NAALADL2: variants seen among roughly 807,000 people sequenced by gnomAD.
NAALADL2 encodes N-acetylated alpha-linked acidic dipeptidase like 2.
Under a neutral mutation model 87.2 loss-of-function variants are expected in NAALADL2, and 76 were observed. The ratio of observed to expected loss-of-function variants is 0.87; its 90% confidence interval spans 0.72 to 1.05. The LOEUF (loss-of-function observed/expected upper bound fraction) is 1.05, where lower values mean the gene tolerates loss of function less well. Ranked by LOEUF, NAALADL2 falls within the 50% of genes least tolerant of loss-of-function variation. The pLI is 0.00. For missense variants in NAALADL2, 1,089 were observed against 945.8 expected (o/e 1.15, Z -1.99); for synonymous variants, 354 against 331.0 (o/e 1.07, Z -0.75).
Position 175,532,360 on chromosome 3 carries a change from A to G in NAALADL2, c.1654-43681A>G, listed in dbSNP as rs569507617. Among the ~76,000 whole-genome samples, 302 of 152,308 alleles carry G rather than the reference A, an allele frequency of 2.0e-3. 1 individual carries two copies. Among genetic ancestry groups the G allele is most frequent in the African/African-American group, 6.9e-3 (285 of 41,560 alleles). The stretch of plus-strand genomic sequence containing the variant: ...AGTTGTCCTTGGGGGAAAATGTGAG[A>G]AAGATTAACAGCCTAAATTGTCAGT... On this transcript the variant is annotated intron_variant, in intron 9 of 13. Coordinates refer to ENST00000454872, the MANE Select transcript of NAALADL2 (RefSeq NM_207015.3).
chr3:174,968,003 A>G (rs1216478899), intron 1 of NAALADL2, among the ~76,000 whole-genome samples: 1 of 152,336 alleles, frequency 6.6e-6, no homozygotes, highest in Middle Eastern at 3.4e-3. Flanking sequence ...TTTCCTGAGA[A>G]ATCTATTTTA....
At chr3:175,522,959 A>C (rs1211346906) in intron 9 of NAALADL2, among the ~76,000 whole-genome samples, 1 of 152,220 alleles carries the variant, frequency 6.6e-6, no homozygotes, top group Non-Finnish European at 1.5e-5. Flanking sequence ...TGGAAGACAC[A>C]TAAGCTACCA....
At chr3:175,077,715 TA>T (rs1220575621) in intron 1 of NAALADL2, among the ~76,000 whole-genome samples, 1 of 152,126 alleles carries the variant, frequency 6.6e-6, no homozygotes, top group African/African-American at 2.4e-5. Flanking sequence ...GCTGCTCTTT[TA>T]AAAAAATTGC....
At chr3:175,515,746 C>T (rs1731749453) in intron 9 of NAALADL2, among the ~76,000 whole-genome samples, 1 of 152,102 alleles carries the variant, frequency 6.6e-6, no homozygotes. Flanking sequence ...GCCTGGAACT[C>T]TCCAACAGCT....
chr3:174,708,469 T>C (rs945337682), intron 2 of NAALADL2, among the ~76,000 whole-genome samples: 3 of 152,200 alleles, frequency 2.0e-5, no homozygotes, highest in Non-Finnish European at 4.4e-5. Flanking sequence ...ATGCAGATTA[T>C]GATAAATTTA....
At chr3:175,678,133 G>A (rs1490098345) in intron 11 of NAALADL2, among the ~76,000 whole-genome samples, 1 of 151,980 alleles carries the variant, frequency 6.6e-6, no homozygotes, top group Non-Finnish European at 1.5e-5. Context: ...TTTCTTTTTT[G>A]TTCTGTCTCT....
intron 5 of NAALADL2, among the ~76,000 whole-genome samples, chr3:175,387,917 C>A (rs1348335731): frequency 6.6e-6 from 1 of 152,012 alleles, no homozygotes; most frequent in African/African-American, 2.4e-5. Context: ...TTGAAGATAT[C>A]TAATCTTCTT....
chr3:174,583,097 T>G (rs1169102741), intron 2 of NAALADL2, among the ~76,000 whole-genome samples: 1 of 152,160 alleles, frequency 6.6e-6, no homozygotes, highest in East Asian at 1.9e-4. Flanking sequence ...ACAGAATAAC[T>G]TAATACAAGG....
chr3:175,202,337 C>T (rs76686721), intron 2 of NAALADL2, among the ~76,000 whole-genome samples: 1 of 152,088 alleles, frequency 6.6e-6, no homozygotes, highest in African/African-American at 2.4e-5. Context: ...TCCATTTCCT[C>T]TCCTCTCTGA....
At chr3:175,731,600 G>T (rs1232290609) in intron 11 of NAALADL2, among the ~76,000 whole-genome samples, 1 of 152,142 alleles carries the variant, frequency 6.6e-6, no homozygotes, top group East Asian at 1.9e-4. Context: ...ATGCAGTGTG[G>T]CTCATCTCTG....
At chr3:175,622,030 T>A (rs1455127673) in intron 10 of NAALADL2, among the ~76,000 whole-genome samples, 1 of 152,210 alleles carries the variant, frequency 6.6e-6, no homozygotes, top group African/African-American at 2.4e-5. Flanking sequence ...AATTTTAAGT[T>A]CTTATTTTCA....
chr3:175,617,042 T>A (rs1725439997), intron 10 of NAALADL2, among the ~76,000 whole-genome samples: 1 of 152,104 alleles, frequency 6.6e-6, no homozygotes, highest in Non-Finnish European at 1.5e-5. Context: ...CCATAGGAAC[T>A]AAAATATCCC....
At chr3:174,931,757 T>C (rs1378227459) in intron 1 of NAALADL2, among the ~76,000 whole-genome samples, 1 of 152,156 alleles carries the variant, frequency 6.6e-6, no homozygotes, top group Non-Finnish European at 1.5e-5. Flanking sequence ...GATTAAAAGA[T>C]CGTTGCAAGC....
chr3:174,860,972 A>G (rs1410436263), intron 1 of NAALADL2, among the ~76,000 whole-genome samples: 1 of 152,150 alleles, frequency 6.6e-6, no homozygotes, highest in Non-Finnish European at 1.5e-5. Context: ...AACCATGCAC[A>G]AAATTCAACA....
At chr3:175,001,266 T>A (rs1232747862) in intron 1 of NAALADL2, among the ~76,000 whole-genome samples, 1 of 152,224 alleles carries the variant, frequency 6.6e-6, no homozygotes, top group Non-Finnish European at 1.5e-5. Context: ...TGGGAATCTG[T>A]ATTTCTGACA....
At chr3:174,455,554 A>G (rs1715778457) in intron 1 of NAALADL2, among the ~76,000 whole-genome samples, 1 of 152,198 alleles carries the variant, frequency 6.6e-6, no homozygotes, top group South Asian at 2.1e-4. Flanking sequence ...CCTAGGGTGC[A>G]GAGTTGGTTC....
chr3:174,459,187 C>A (rs1366326194), intron 1 of NAALADL2: 1 of 151,882 alleles, frequency 6.6e-6, no homozygotes, highest in Non-Finnish European at 1.5e-5. Flanking sequence ...GTTGGTAGTC[C>A]TTTTATGTCT....
At chr3:174,995,103 GATAAA>G (rs1027428263) in intron 1 of NAALADL2, among the ~76,000 whole-genome samples, 92 of 149,298 alleles carry the variant, frequency 6.2e-4, no homozygotes, top group African/African-American at 2.1e-3. Flanking sequence ...AGGCAGAAGA[GATAAA>G]ATAAAAAACA....
intron 2 of NAALADL2, among the ~76,000 whole-genome samples, chr3:174,657,772 G>A (rs1725119286): frequency 6.6e-6 from 1 of 152,028 alleles, no homozygotes; most frequent in South Asian, 2.1e-4. Context: ...AACCCTCTAT[G>A]TTCTTGCCTA....
Sources: allele counts gnomAD v4.1 joint callset (sites outside exome capture counted in the v4.1 genomes callset), GRCh38; gene constraint gnomAD v4.1.1; transcripts MANE v1.5; gene names NCBI Gene and HGNC (gene_info 2026-07-23, HGNC 2026-07-21).